GIPR: variants seen among roughly 807,000 people sequenced by gnomAD.
GIPR encodes the protein gastric inhibitory polypeptide receptor, also known as GIP-R.
GIPR carries 74 observed loss-of-function variants against 62.2 expected under a neutral mutation model. The ratio of observed to expected loss-of-function variants is 1.19; its 90% CI spans 0.99 to 1.44. The LOEUF (loss-of-function observed/expected upper bound fraction) is 1.44. Ranked by LOEUF, GIPR falls within the 40% of genes most tolerant of loss-of-function variation. GIPR has a pLI of 0.00. For missense variants in GIPR, 664 were observed against 611.8 expected (o/e 1.09, Z -0.90); for synonymous variants, 256 against 262.2 (o/e 0.98, Z 0.23).
intron 12 of GIPR, among the ~76,000 whole-genome samples, chr19:45,680,702 A>G (rs1173194141): frequency 6.6e-6 from 1 of 151,060 alleles, no homozygotes; most frequent in Non-Finnish European, 1.5e-5. Context: ...GTGGGGGCGC[A>G]TGCCTGTAAT....
intron 6 of GIPR, chr19:45,674,451 TA>T: frequency 1.6e-6 from 1 of 624,316 alleles, no homozygotes; most frequent in South Asian, 1.9e-5. Context: ...CTACGACAAA[TA>T]AAATTAGCTA....
chr19:45,676,101 G>A (rs1249705558), intron 7 of GIPR, among the ~76,000 whole-genome samples: 1 of 151,782 alleles, frequency 6.6e-6, no homozygotes, highest in African/African-American at 2.4e-5. Context: ...TACTCAGGAG[G>A]CTGAGGTAGG....
chr19:45,673,976 A>T, intron 5 of GIPR, 98 bp from the exon 6 acceptor site: 2 of 798,628 alleles, frequency 2.5e-6, no homozygotes, highest in Admixed American at 1.7e-5. Context: ...AAAATAGGGT[A>T]TTTGGGCAGA....
rs778031267 is a variant in GIPR, at chr19:45,677,804, G to C, written c.924+25G>C. 2.5e-6 allele frequency: 4 copies of C among 1,608,214 alleles called. No individual in the cohort carries two copies. The Admixed American group carries it at 5.0e-5, about 20-fold the overall frequency. ...GGTAGGATCGGTCCCGCCTCCACCAGGCCGCCCTCAGGGATTTCCCATTCT... is the reference window on the plus strand; with the variant it reads ...GGTAGGATCGGTCCCGCCTCCACCACGCCGCCCTCAGGGATTTCCCATTCT... On this transcript the variant is annotated intron_variant, in intron 10 of 13. Coordinates refer to ENST00000590918, the MANE Select transcript of GIPR (RefSeq NM_000164.4).
Position 45,681,795 on chromosome 19 carries a change from C to T in GIPR, c.1261C>T (p.Arg421Cys). The T allele has an allele frequency of 6.3e-7, 1 of 1,582,770 alleles. No individual in the cohort carries two copies. The highest frequency in any genetic ancestry group is 8.6e-7 in the Non-Finnish European group (1 of 1,164,210). ...GCGCCGCAGCCTGGGCGAGGAGCAA[C>T]GCCAGCTCCCGGAGCGCGCCTTCCG... ...RLRRSLGEEQ[R>C]QLPERAFRAL... The change falls in exon 14 of 14, where the codon CGC becomes TGC. Residue 421 changes from arginine to cysteine, a missense_variant. Transcript: ENST00000590918.
rs763454129 is a variant in GIPR at position 45,672,846 on chromosome 19, C to T, written c.281-5C>T. On this transcript the variant is annotated splice_region_variant and splice_polypyrimidine_tract_variant and intron_variant, in intron 4 of 13. Coordinates refer to ENST00000590918, the MANE Select transcript of GIPR (RefSeq NM_000164.4). ...GCCTTAATTCCCTCTCTTCTTTCCC[C>T]ACAGTGGCTGCAGGTTTCGTCCTCC... is the stretch of plus-strand genomic sequence containing the variant. 3.8e-6 allele frequency: 6 copies of T among 1,584,052 alleles called. No individual in the cohort carries two copies. The highest frequency in any genetic ancestry group is 5.2e-6 in the Non-Finnish European group (6 of 1,152,620).
chr19:45,669,512 G>GCC lies in GIPR; in HGVS notation c.-7_-6dup. ...CCCTGCACGAACCAGACCCTTCGCC[G>GCC]CCCTCACGATGACTACCTCTCCGAT... On this transcript the variant is annotated 5_prime_UTR_variant, in exon 2 of 14. Coordinates refer to ENST00000590918, the MANE Select transcript of GIPR (RefSeq NM_000164.4). 2 of 1,569,700 alleles carry GCC rather than the reference G, an allele frequency of 1.3e-6. No homozygotes were observed. The highest frequency in any genetic ancestry group is 1.7e-6 in the Non-Finnish European group (2 of 1,160,646).
chr19:45,683,411 C>T lies in GIPR; in HGVS notation c.*1476C>T, dbSNP rs990714895. The T allele has an allele frequency of 1.3e-5, 2 of 152,186 alleles. No homozygotes were observed. Among genetic ancestry groups the T allele is most frequent in the Non-Finnish European group, 2.9e-5 (2 of 68,060 alleles). The allele number at this position is 152,186 out of a possible 1,614,324, so 9.4% of individuals were successfully genotyped here. A position where few individuals can be genotyped will look rare whatever the true frequency, so the allele number is the denominator to read the frequency against. ...ATCCCCACTGTCCTTAGATGGGTGG[C>T]CCCTGGAACCTGGGAGAATGAGGGG... On this transcript the variant is annotated 3_prime_UTR_variant, in exon 14 of 14. Transcript: ENST00000590918.
In GIPR at chr19:45,677,400, GGGGCGGGGCGTGGGAGGT is replaced by G; in HGVS notation, c.854+27_854+44del. 10 of 1,521,078 alleles carry G rather than the reference GGGGCGGGGCGTGGGAGGT, an allele frequency of 6.6e-6. No individual in the cohort carries two copies. Among genetic ancestry groups the G allele is most frequent in the South Asian group, 1.1e-5 (1 of 88,284 alleles). 94.2% of individuals were successfully genotyped at this position (1,521,078 alleles called of 1,614,324 possible). On this transcript the variant is annotated intron_variant, in intron 9 of 13. Transcript: ENST00000590918. ...GAACACGCAGTGAGTTGCAGGGTCT[GGGGCGGGGCGTGGGAGGT>G]GGGCGGGGCTTTGAGGGACTGTGGC...
intron 12 of GIPR, 70 bp downstream of exon 12, chr19:45,678,296 A>G: frequency 4.7e-6 from 7 of 1,503,186 alleles, no homozygotes; most frequent in Non-Finnish European, 5.4e-6. Flanking sequence ...CACGAAAGCT[A>G]CAGTCGTTCT....
chr19:45,671,781 T>C (rs1046927156), intron 4 of GIPR, among the ~76,000 whole-genome samples: 37 of 150,444 alleles, frequency 2.5e-4, no homozygotes, highest in Non-Finnish European at 2.1e-4. Flanking sequence ...CACCCGGCTT[T>C]TTTTTTATAT....
intron 5 of GIPR, among the ~76,000 whole-genome samples, chr19:45,673,421 A>G: frequency 4.0e-5 from 2 of 50,126 alleles, no homozygotes; most frequent in South Asian, 1.2e-3. Context: ...CTCCATCTCA[A>G]AAAAAAAAAA....
intron 3 of GIPR, 106 bp from the exon 4 acceptor site, chr19:45,671,179 G>C: frequency 1.3e-6 from 1 of 765,120 alleles, no homozygotes; most frequent in Non-Finnish European, 2.3e-6. Flanking sequence ...GGCCGGCGGA[G>C]AAGCACTTGG....
At chr19:45,674,287 C>A in intron 6 of GIPR, 110 bp downstream of exon 6, 1 of 801,262 alleles carries the variant, frequency 1.2e-6, no homozygotes, top group African/African-American at 1.7e-5. Flanking sequence ...ACTGGTGGTT[C>A]TATGGGGAGC....
Position 45,671,364 on chromosome 19 carries a change from C to T in GIPR, c.252C>T (p.Cys84=), listed in dbSNP as rs755629061. 2.5e-6 allele frequency: 4 copies of T among 1,610,594 alleles called. No homozygotes were observed. Among genetic ancestry groups the T allele is most frequent in the Non-Finnish European group, 3.4e-6 (4 of 1,178,594 alleles). Residue 84 remains cysteine, a synonymous_variant, in exon 4 of 14, where the codon TGC becomes TGT. Coordinates refer to ENST00000590918, the MANE Select transcript of GIPR (RefSeq NM_000164.4). ...AAPNATARAS[C]PWYLPWHHHV... ...CCAATGCCACTGCCCGTGCGTCCTGCCCCTGGTACCTGCCCTGGCACCACC... is the reference window on the plus strand; with the variant it reads ...CCAATGCCACTGCCCGTGCGTCCTGTCCCTGGTACCTGCCCTGGCACCACC...
chr19:45,671,316 C>G lies in GIPR; in HGVS notation c.204C>G (p.Tyr68Ter). The G allele has an allele frequency of 6.2e-7, 1 of 1,612,680 alleles. No homozygotes were observed. Among genetic ancestry groups the G allele is most frequent in the Non-Finnish European group, 8.5e-7 (1 of 1,179,568 alleles). ...CCTGTAACGGGTCCTTCGATATGTA[C>G]GTCTGCTGGGACTATGCTGCACCCA... ...GLACNGSFDM[Y>*]VCWDYAAPNA... The change falls in exon 4 of 14, where the codon TAC (tyrosine) becomes TAG (stop). Residue 68 changes from tyrosine to a stop codon, truncating the protein, a stop_gained. Transcript: ENST00000590918. LOFTEE classifies it high-confidence loss of function.
intron 6 of GIPR, 65 bp from the exon 7 acceptor site, chr19:45,674,617 T>A: frequency 4.8e-6 from 7 of 1,452,254 alleles, no homozygotes; most frequent in Non-Finnish European, 6.7e-6. Context: ...AAAAAAAAAA[T>A]AGAACTCTGT....
In GIPR at chr19:45,673,005, G is replaced by C. The variant is rs191451399; in HGVS notation, c.384+51G>C. ...TAGGAGTCCAGGGAGAGATGGAAAG[G>C]CAGTAGATTCAGGCAGGGCCTGAAA... On this transcript the variant is annotated intron_variant, in intron 5 of 13. Coordinates refer to ENST00000590918, the MANE Select transcript of GIPR (RefSeq NM_000164.4). The C allele has an allele frequency of 4.0e-4, 439 of 1,093,170 alleles. 2 individuals are homozygous for C. Among genetic ancestry groups the C allele is most frequent in the Non-Finnish European group, 6.0e-4 (426 of 704,216 alleles). The allele number at this position is 1,093,170 out of a possible 1,614,324, so 67.7% of individuals were successfully genotyped here.
At chr19:45,671,865 G>T (rs1007103497) in intron 4 of GIPR, among the ~76,000 whole-genome samples, 1 of 151,238 alleles carries the variant, frequency 6.6e-6, no homozygotes. Flanking sequence ...CAAGTGATCC[G>T]CCGGCCTTGG....
Sources: allele counts gnomAD v4.1 joint callset (sites outside exome capture counted in the v4.1 genomes callset), GRCh38; gene constraint gnomAD v4.1.1; transcripts MANE v1.5; gene names NCBI Gene and HGNC (gene_info 2026-07-23, HGNC 2026-07-21).